PLD6: variants seen among roughly 807,000 people sequenced by gnomAD.
PLD6 encodes the protein phospholipase D family member 6.
A neutral mutation model predicts 9.7 loss-of-function variants in PLD6; 10 were observed. The observed-to-expected ratio is 1.03, with a 90% CI of 0.64 to 1.75. The LOEUF (loss-of-function observed/expected upper bound fraction) is 1.75. Ranked by LOEUF, PLD6 falls within the 40% of genes most tolerant of loss-of-function variation. PLD6 has a pLI of 0.00. For missense variants in PLD6, 334 were observed against 347.6 expected, an observed-to-expected ratio of 0.96 and a Z score of 0.31; for synonymous variants, 152 against 159.2, an observed-to-expected ratio of 0.96 and a Z score of 0.34.
Position 17,206,199 on chromosome 17 carries a change from G to C in PLD6, c.88C>G (p.Leu30Val). 1 of 1,525,144 alleles carries C rather than the reference G, an allele frequency of 6.6e-7. No homozygotes were observed. The highest frequency in any genetic ancestry group is 1.4e-5 in the African/African-American group (1 of 69,988). The allele number at this position is 1,525,144 out of a possible 1,614,324, so 94.5% of individuals were successfully genotyped here. A position where few individuals can be genotyped will look rare whatever the true frequency, so the allele number is the denominator to read the frequency against. ...CGCGGCCGCCGCCGCCTGGACCGCA[G>C]CCAGCGCAGCACCCAAGGCAGCGCC... Reference protein sequence around the residue: ...LEALPWVLRWLRSRRRRPRRE... With the variant: ...LEALPWVLRWVRSRRRRPRRE... Residue 30 changes from leucine to valine, a missense_variant, in exon 1 of 2, where the codon CTG becomes GTG. Physicochemically the swap from Leu to Val is conservative, Grantham distance 32. Transcript: ENST00000321560.
At chr17:17,205,640 G>A (rs77092842) in intron 1 of PLD6, among the ~76,000 whole-genome samples, 4,306 of 152,320 alleles carry the variant, frequency 0.028, 87 homozygotes, top group African/African-American at 0.05. Context: ...CACCGCGGAG[G>A]CACCGAGGGT....
At chr17:17,204,766 G>A (rs996790645) in intron 1 of PLD6, among the ~76,000 whole-genome samples, 1 of 152,164 alleles carries the variant, frequency 6.6e-6, no homozygotes, top group African/African-American at 2.4e-5. Flanking sequence ...AGCTCTTGTG[G>A]CTGCCCCAAA....
intron 1 of PLD6, 39 bp from the exon 2 acceptor site, chr17:17,203,137 T>A: frequency 6.3e-7 from 1 of 1,585,906 alleles, no homozygotes; most frequent in Non-Finnish European, 8.6e-7. Flanking sequence ...CATGCAGGAG[T>A]CCCGCCCCCA....
At chr17:17,205,055 C>T (rs932715878) in intron 1 of PLD6, among the ~76,000 whole-genome samples, 3 of 147,870 alleles carry the variant, frequency 2.0e-5, no homozygotes, top group African/African-American at 8.1e-5. Flanking sequence ...GCGTGACTTT[C>T]TGGGTGCCTG....
Position 17,203,034 on chromosome 17 carries a change from C to T in PLD6, c.492G>A (p.Lys164=), listed in dbSNP as rs2046688187. The part of the protein sequence containing the change: ...YMHHKFAIVD[K]RVLITGSLNW... ...TGAGCGAGCCAGTGATGAGCACCCT[C>T]TTGTCCACGATGGCAAACTTGTGAT... is the stretch of plus-strand genomic sequence containing the variant. The change falls in exon 2 of 2, where the codon AAG becomes AAA. Residue 164 remains lysine (K), a synonymous_variant. Coordinates refer to ENST00000321560, the MANE Select transcript of PLD6 (RefSeq NM_178836.4). 6.2e-7 allele frequency: 1 copy of T among 1,614,108 alleles called. No individual in the cohort carries two copies. Among genetic ancestry groups the T allele is most frequent in the South Asian group, 1.1e-5 (1 of 91,088 alleles).
At chr17:17,203,621 A>AC (rs565708739) in intron 1 of PLD6, among the ~76,000 whole-genome samples, 125 of 151,808 alleles carry the variant, frequency 8.2e-4, no homozygotes, top group African/African-American at 2.9e-3. Context: ...CCTCTTCCGC[A>AC]CCCCCCTGCT....
chr17:17,205,119 G>C (rs1310320628), intron 1 of PLD6, among the ~76,000 whole-genome samples: 1 of 152,180 alleles, frequency 6.6e-6, no homozygotes, highest in Non-Finnish European at 1.5e-5. Context: ...TACACAAAAG[G>C]CAACAGCAGG....
At chr17:17,204,380 A>G (rs114029654) in intron 1 of PLD6, 3,745 of 152,736 alleles carry the variant, frequency 0.025, 130 homozygotes, top group African/African-American at 0.078. Context: ...CTCCCACACC[A>G]CTGCCTCCTT....
In PLD6 at chr17:17,206,174, C is replaced by A; in HGVS notation, c.113G>T (p.Arg38Leu). Residue 38 changes from arginine to leucine, a missense_variant, in exon 1 of 2, where the codon CGG (arginine) becomes CTG (leucine). Physicochemically the swap from Arg to Leu is moderately radical, Grantham distance 102. Coordinates refer to ENST00000321560, the MANE Select transcript of PLD6 (RefSeq NM_178836.4). ...AGACGGGAAGAACAGCGCCTCGCGCCGCGGCCGCCGCCGCCTGGACCGCAG... is the reference window on the plus strand; with the variant it reads ...AGACGGGAAGAACAGCGCCTCGCGCAGCGGCCGCCGCCGCCTGGACCGCAG... ...RWLRSRRRRP[R>L]REALFFPSQV... 6.6e-7 allele frequency: 1 copy of A among 1,508,024 alleles called. No homozygotes were observed. The highest frequency in any genetic ancestry group is 2.7e-5 in the East Asian group (1 of 36,730). The allele number at this position is 1,508,024 out of a possible 1,614,324, so 93.4% of individuals were successfully genotyped here. A position where few individuals can be genotyped will look rare whatever the true frequency, so the allele number is the denominator to read the frequency against.
Position 17,201,361 on chromosome 17 carries a change from A to G in PLD6, c.*1406T>C, listed in dbSNP as rs1310392351. 6.6e-6 allele frequency: 1 copy of G among 152,258 alleles called. No homozygotes were observed. The highest frequency in any genetic ancestry group is 1.5e-5 in the Non-Finnish European group (1 of 68,058). 9.4% of individuals were successfully genotyped at this position (152,258 alleles called of 1,614,324 possible). On this transcript the variant is annotated 3_prime_UTR_variant, in exon 2 of 2. Transcript: ENST00000321560. Reference sequence around the variant, plus strand: ...TGGGCCCTGGGGCTCATCATACAGAAATATGACAAGATGATGAAGTCACAA... The same window carrying G: ...TGGGCCCTGGGGCTCATCATACAGAGATATGACAAGATGATGAAGTCACAA...
At chr17:17,205,571 G>A (rs538296281) in intron 1 of PLD6, among the ~76,000 whole-genome samples, 1 of 152,186 alleles carries the variant, frequency 6.6e-6, no homozygotes, top group Non-Finnish European at 1.5e-5. Context: ...CTCTAACCCG[G>A]CACACGCAGG....
At position 17,202,786 on chromosome 17, in the gene PLD6, G is replaced by A; in HGVS notation, c.740C>T (p.Ser247Phe). The A allele has an allele frequency of 6.2e-7, 1 of 1,613,604 alleles. No individual in the cohort carries two copies. The highest frequency in any genetic ancestry group is 8.5e-7 in the Non-Finnish European group (1 of 1,179,628). ...TCTTGGTTAGGTTTGGCTTTCGCTG[G>A]AGGTGCCGCAAGTTCTGTGCCATGA... ...LLSWHRTCGT[S>F]SESQT Residue 247 changes from serine to phenylalanine, a missense_variant, in exon 2 of 2, where the codon TCC becomes TTC. Physicochemically the swap from Ser to Phe is radical, Grantham distance 155 (BLOSUM62 -2). Transcript: ENST00000321560.
intron 1 of PLD6, among the ~76,000 whole-genome samples, 185 bp downstream of exon 1, chr17:17,205,675 C>A (rs775861296): frequency 6.6e-6 from 1 of 152,250 alleles, no homozygotes; most frequent in African/African-American, 2.4e-5. Context: ...CCCACGCAGC[C>A]GGCTAGACCT....
chr17:17,203,072 G>C lies in PLD6; in HGVS notation c.454C>G (p.Pro152Ala). Residue 152 changes from proline (P) to alanine (A), a missense_variant, in exon 2 of 2, where the codon CCA (proline) becomes GCA (alanine). Physicochemically the swap from Pro to Ala is conservative, Grantham distance 27. Coordinates refer to ENST00000321560, the MANE Select transcript of PLD6 (RefSeq NM_178836.4). Reference sequence around the variant, plus strand: ...GCAAACTTGTGATGCATGTAGCCTGGGTCTTGATCGTGCCGGACCTGGATC... The same window carrying C: ...GCAAACTTGTGATGCATGTAGCCTGCGTCTTGATCGTGCCGGACCTGGATC... ...AGIQVRHDQDPGYMHHKFAIV... is the reference protein window; with the variant it reads ...AGIQVRHDQDAGYMHHKFAIV... 6.2e-7 allele frequency: 1 copy of C among 1,613,936 alleles called. No individual in the cohort carries two copies. Among genetic ancestry groups the C allele is most frequent in the Non-Finnish European group, 8.5e-7 (1 of 1,179,818 alleles).
At chr17:17,204,454 T>G (rs2046700497) in intron 1 of PLD6, 1 of 152,340 alleles carries the variant, frequency 6.6e-6, no homozygotes, top group African/African-American at 2.4e-5. Flanking sequence ...CATGACTTAG[T>G]TGGCATCTCC....
chr17:17,204,857 G>C (rs1455577473), intron 1 of PLD6, among the ~76,000 whole-genome samples: 2 of 152,152 alleles, frequency 1.3e-5, no homozygotes, highest in Non-Finnish European at 2.9e-5. Context: ...ACACCACCCA[G>C]AGCAGGGAGG....
chr17:17,203,386 C>T (rs900365964), intron 1 of PLD6, among the ~76,000 whole-genome samples: 2 of 152,188 alleles, frequency 1.3e-5, no homozygotes, highest in Non-Finnish European at 1.5e-5. Context: ...TATGTCCCTT[C>T]GGGGTTACTG....
rs919168214 is a variant in PLD6 at position 17,202,227 on chromosome 17, G to A, written c.*540C>T. 2.0e-4 allele frequency: 31 copies of A among 157,342 alleles called. No individual in the cohort carries two copies. Among genetic ancestry groups the A allele is most frequent in the Admixed American group, 7.9e-4 (13 of 16,504 alleles). The allele number at this position is 157,342 out of a possible 1,614,324, so 9.7% of individuals were successfully genotyped here. On this transcript the variant is annotated 3_prime_UTR_variant, in exon 2 of 2. Coordinates refer to ENST00000321560, the MANE Select transcript of PLD6 (RefSeq NM_178836.4). ...GCCCCGAAGGCTGCTTTTGCCACCC[G>A]CACCGCACACTCACATCTTCCCTTC...
chr17:17,203,229 G>C, intron 1 of PLD6, 131 bp from the exon 2 acceptor site: 1 of 946,166 alleles, frequency 1.1e-6, no homozygotes, highest in South Asian at 1.7e-5. Flanking sequence ...TGCTTTCACA[G>C]AGTGGTGGCG....
Sources: allele counts gnomAD v4.1 joint callset (sites outside exome capture counted in the v4.1 genomes callset), GRCh38; gene constraint gnomAD v4.1.1; transcripts MANE v1.5; gene names NCBI Gene and HGNC (gene_info 2026-07-23, HGNC 2026-07-21).